CTSS: variants seen among roughly 807,000 people sequenced by gnomAD.
The protein encoded by CTSS is cathepsin S.
In CTSS, 15 loss-of-function variants were observed where a neutral mutation model predicts 39.9. That is an observed-to-expected ratio of 0.38 (90% CI 0.25 to 0.58). The LOEUF (loss-of-function observed/expected upper bound fraction) is 0.58. CTSS is among the 20% of genes least tolerant of loss of function. CTSS has a pLI of 0.70. For synonymous variants in CTSS, 126 were observed against 138.2 expected (o/e 0.91, Z 0.62); for missense variants, 250 against 398.2 (o/e 0.63, Z 3.17).
chr1:150,733,079 C>T lies in CTSS; in HGVS notation c.963G>A (p.Gly321=), dbSNP rs766836646. Residue 321 remains glycine, a synonymous_variant, in exon 8 of 8, where the codon GGG becomes GGA. Coordinates refer to ENST00000368985, the MANE Select transcript of CTSS (RefSeq NM_004079.5). ...CTGGGTAAGAGGGAAAGCTAGCAAT[C>T]CCACAATGATTTCCTTTATTTCTTG... The part of the protein sequence containing the change: ...RMARNKGNHC[G]IASFPSYPEI 1 of 1,613,648 alleles carries T rather than the reference C, an allele frequency of 6.2e-7. No individual in the cohort carries two copies. Among genetic ancestry groups the T allele is most frequent in the Admixed American group, 1.7e-5 (1 of 59,990 alleles).
chr1:150,757,291 G>C (rs1301157127), intron 3 of CTSS, among the ~76,000 whole-genome samples: 1 of 152,128 alleles, frequency 6.6e-6, no homozygotes, highest in Non-Finnish European at 1.5e-5. Flanking sequence ...TTTATAAAAG[G>C]GCTGTCTAAA....
chr1:150,755,483 C>T (rs1653104328), intron 3 of CTSS, among the ~76,000 whole-genome samples: 2 of 151,934 alleles, frequency 1.3e-5, no homozygotes, highest in Non-Finnish European at 1.5e-5. Flanking sequence ...CTCACGCCTG[C>T]AATCCCAGCA....
intron 7 of CTSS, among the ~76,000 whole-genome samples, chr1:150,733,799 CA>C (rs992468021): frequency 1.3e-5 from 2 of 151,202 alleles, no homozygotes; most frequent in South Asian, 4.2e-4. Flanking sequence ...CCTGATTCTA[CA>C]AAAAAAATTT....
intron 7 of CTSS, among the ~76,000 whole-genome samples, chr1:150,735,295 T>C (rs1242825095): frequency 6.6e-6 from 1 of 152,224 alleles, no homozygotes; most frequent in Non-Finnish European, 1.5e-5. Context: ...ATATTCTATG[T>C]ATCAGCCCTC....
At position 150,754,986 on chromosome 1, in the gene CTSS, G is replaced by T; in HGVS notation, c.399+15C>A. On this transcript the variant is annotated intron_variant, in intron 4 of 7. Transcript: ENST00000368985. ...CTCTACCTAGGGTTCAGAGGCTTGG[G>T]ATGGTAATACTCACTTGATATTTCA... is the stretch of plus-strand genomic sequence containing the variant. 1 of 1,611,016 alleles carries T rather than the reference G, an allele frequency of 6.2e-7. No homozygotes were observed. Among genetic ancestry groups the T allele is most frequent in the Non-Finnish European group, 8.5e-7 (1 of 1,177,898 alleles).
chr1:150,747,702 C>G (rs958764690), intron 7 of CTSS, 75 bp downstream of exon 7: 28 of 936,576 alleles, frequency 3.0e-5, no homozygotes, highest in Non-Finnish European at 4.3e-5. Flanking sequence ...TGATCATCAT[C>G]AAAATCATGA....
At chr1:150,755,340 A>G (rs1388161485) in intron 3 of CTSS, among the ~76,000 whole-genome samples, 190 bp from the exon 4 acceptor site, 3 of 152,226 alleles carry the variant, frequency 2.0e-5, no homozygotes, top group African/African-American at 7.2e-5. Context: ...CCTGCACGGC[A>G]TGGTACTGTA....
At chr1:150,752,227 A>G (rs1272930014) in intron 4 of CTSS, among the ~76,000 whole-genome samples, 1 of 152,212 alleles carries the variant, frequency 6.6e-6, no homozygotes, top group Non-Finnish European at 1.5e-5. Flanking sequence ...GAGATTTGCA[A>G]TCAGCCAAGC....
At chr1:150,743,641 T>A (rs12755647) in intron 7 of CTSS, among the ~76,000 whole-genome samples, 2 of 81,252 alleles carry the variant, frequency 2.5e-5, no homozygotes, top group Non-Finnish European at 5.5e-5. Flanking sequence ...ACATAATATA[T>A]TATATATGTA....
chr1:150,752,460 T>A (rs1653027062), intron 4 of CTSS, among the ~76,000 whole-genome samples: 1 of 152,214 alleles, frequency 6.6e-6, no homozygotes, highest in Non-Finnish European at 1.5e-5. Context: ...TTCAAACCTT[T>A]GTTATCTTCA....
intron 2 of CTSS, among the ~76,000 whole-genome samples, chr1:150,759,222 G>A (rs1653201730): frequency 6.6e-6 from 1 of 151,898 alleles, no homozygotes; most frequent in Non-Finnish European, 1.5e-5. Flanking sequence ...GTATCTGGGT[G>A]TAGGTTTCTT....
Position 150,747,788 on chromosome 1 carries a change from A to G in CTSS, c.885T>C (p.Leu295=). Reference sequence around the variant, plus strand: ...TGTAAATATATTACCTGTTTTTCACAAGCCAGTATTCTTTCCCATTAAGAT... The same window carrying G: ...TGTAAATATATTACCTGTTTTTCACGAGCCAGTATTCTTTCCCATTAAGAT... ...YGDLNGKEYW[L]VKNSWGHNFG... Residue 295 remains leucine, a synonymous_variant, in exon 7 of 8, where the codon CTT becomes CTC. Transcript: ENST00000368985. The G allele has an allele frequency of 1.2e-6, 2 of 1,609,234 alleles. No individual in the cohort carries two copies. Among genetic ancestry groups the G allele is most frequent in the African/African-American group, 1.3e-5 (1 of 74,938 alleles).
At position 150,731,904 on chromosome 1, in the gene CTSS, T is replaced by C. The variant is rs1462604315; in HGVS notation, c.*1142A>G. The C allele has an allele frequency of 1.3e-5, 2 of 152,216 alleles. No individual in the cohort carries two copies. Among genetic ancestry groups the C allele is most frequent in the Non-Finnish European group, 2.9e-5 (2 of 68,042 alleles). The allele number at this position is 152,216 out of a possible 1,614,324, so 9.4% of individuals were successfully genotyped here. A position where few individuals can be genotyped will look rare whatever the true frequency, so the allele number is the denominator to read the frequency against. ...TTTACTTTAACATAATATAAAAATA[T>C]GTGTTGAATCCTCTTTTTTTAAGAC... On this transcript the variant is annotated 3_prime_UTR_variant, in exon 8 of 8. Transcript: ENST00000368985.
At chr1:150,753,208 AG>A (rs1270625103) in intron 4 of CTSS, among the ~76,000 whole-genome samples, 1 of 152,164 alleles carries the variant, frequency 6.6e-6, no homozygotes, top group African/African-American at 2.4e-5. Context: ...AACCTGGGGT[AG>A]CTGCTCAGAA....
intron 2 of CTSS, among the ~76,000 whole-genome samples, chr1:150,762,850 A>G (rs2101928369): frequency 6.6e-6 from 1 of 152,320 alleles, no homozygotes; most frequent in African/African-American, 2.4e-5. Flanking sequence ...GCCATTTGGG[A>G]AAACAGTATG....
chr1:150,743,345 G>C (rs990499717), intron 7 of CTSS, among the ~76,000 whole-genome samples: 5 of 151,246 alleles, frequency 3.3e-5, no homozygotes, highest in African/African-American at 1.2e-4. Flanking sequence ...TGGAGGTTTA[G>C]GCTGTTAGGC....
chr1:150,754,131 T>TA (rs1299541919), intron 4 of CTSS, among the ~76,000 whole-genome samples: 10 of 128,268 alleles, frequency 7.8e-5, no homozygotes, highest in Non-Finnish European at 1.7e-4. Flanking sequence ...TTTTTTTTTT[T>TA]AAGACAGGGT....
rs369872252 is a variant in CTSS at position 150,751,285 on chromosome 1, G to A, written c.627+496C>T. Reference sequence around the variant, plus strand: ...TAATTTTGGGATGGAGTCTTGCTCCGTTGCCGAGGCTGGAGTACAGTGGCG... The same window carrying A: ...TAATTTTGGGATGGAGTCTTGCTCCATTGCCGAGGCTGGAGTACAGTGGCG... On this transcript the variant is annotated intron_variant, in intron 5 of 7. Coordinates refer to ENST00000368985, the MANE Select transcript of CTSS (RefSeq NM_004079.5). Among the ~76,000 whole-genome samples the A allele has an allele frequency of 1.3e-4, 20 of 152,162 alleles. 1 individual carries two copies. The South Asian group carries it at 2.1e-3, about 16-fold the overall frequency.
intron 4 of CTSS, among the ~76,000 whole-genome samples, chr1:150,753,565 A>C (rs1254240280): frequency 6.6e-6 from 1 of 152,222 alleles, no homozygotes; most frequent in South Asian, 2.1e-4. Flanking sequence ...AGTGCAGTCA[A>C]TGCATAGCGT....
Sources: allele counts gnomAD v4.1 joint callset (sites outside exome capture counted in the v4.1 genomes callset), GRCh38; gene constraint gnomAD v4.1.1; transcripts MANE v1.5; gene names NCBI Gene and HGNC (gene_info 2026-07-23, HGNC 2026-07-21).